Variants in TSPAN14 observed in about 807,000 individuals in gnomAD.
TSPAN14 encodes the protein tetraspanin-14.
In TSPAN14, 16 loss-of-function variants were observed where a neutral mutation model predicts 36.6. That is an observed-to-expected ratio of 0.44 (90% CI 0.30 to 0.66). The LOEUF is 0.66. TSPAN14 is among the 30% of genes least tolerant of loss of function. The pLI is 0.12. For missense variants in TSPAN14, 231 were observed against 355.1 expected (o/e 0.65, Z 2.81); for synonymous variants, 139 against 143.8 (o/e 0.97, Z 0.24).
intron 1 of TSPAN14, among the ~76,000 whole-genome samples, chr10:80,480,514 AG>A: frequency 6.6e-6 from 1 of 152,348 alleles, no homozygotes; most frequent in East Asian, 1.9e-4. Context: ...ACAATAGCAA[AG>A]ACTCGGAACC....
chr10:80,507,497 C>G, intron 4 of TSPAN14, 123 bp downstream of exon 4: 11 of 1,383,256 alleles, frequency 8.0e-6, no homozygotes, highest in Non-Finnish European at 1.1e-5. Flanking sequence ...TAGGCCCCTG[C>G]CTGGGAGCAG....
chr10:80,482,321 C>T (rs1847322593), intron 1 of TSPAN14, among the ~76,000 whole-genome samples: 1 of 152,168 alleles, frequency 6.6e-6, no homozygotes, highest in South Asian at 2.1e-4. Flanking sequence ...GAGTCTCGCT[C>T]TGTGGCTCAG....
chr10:80,463,225 A>G (rs1846072215), intron 1 of TSPAN14: 1 of 152,214 alleles, frequency 6.6e-6, no homozygotes, highest in Non-Finnish European at 1.5e-5. Flanking sequence ...GGGAAACACC[A>G]GAAGCTGCCT....
chr10:80,489,944 A>ATGAGCTTT (rs1228892729), intron 2 of TSPAN14, among the ~76,000 whole-genome samples: 2 of 152,206 alleles, frequency 1.3e-5, no homozygotes, highest in African/African-American at 4.8e-5. Context: ...TGAGGCAGGA[A>ATGAGCTTT]TGAGCTTTGT....
intron 1 of TSPAN14, 127 bp from the exon 2 acceptor site, chr10:80,489,090 T>C (rs1847784088): frequency 1.6e-6 from 1 of 635,166 alleles, no homozygotes; most frequent in Admixed American, 2.5e-5. Flanking sequence ...ATCAGGCCTC[T>C]GCTTGGACCA....
At chr10:80,478,085 A>G (rs993298339) in intron 1 of TSPAN14, among the ~76,000 whole-genome samples, 1 of 152,210 alleles carries the variant, frequency 6.6e-6, no homozygotes. Flanking sequence ...AGTGCCTAAT[A>G]TGAAGGAAAG....
At chr10:80,508,300 A>T (rs1380013066) in intron 4 of TSPAN14, among the ~76,000 whole-genome samples, 3 of 151,672 alleles carry the variant, frequency 2.0e-5, no homozygotes, top group African/African-American at 7.3e-5. Context: ...TTGTATTTTT[A>T]GTAGAGACGG....
intron 1 of TSPAN14, among the ~76,000 whole-genome samples, chr10:80,475,480 C>T (rs1254896147): frequency 6.6e-6 from 1 of 151,964 alleles, no homozygotes; most frequent in Non-Finnish European, 1.5e-5. Flanking sequence ...GTAGGAGGAC[C>T]ATGTGAAGCT....
intron 1 of TSPAN14, chr10:80,466,532 A>G (rs781375430): frequency 1.3e-5 from 2 of 152,224 alleles, no homozygotes; most frequent in Non-Finnish European, 2.9e-5. Context: ...AAGTGCTAGG[A>G]TTACAGGTGT....
At chr10:80,512,826 T>C (rs1840729801) in intron 6 of TSPAN14, among the ~76,000 whole-genome samples, 1 of 152,140 alleles carries the variant, frequency 6.6e-6, no homozygotes, top group Non-Finnish European at 1.5e-5. Flanking sequence ...CCTGAGTAGC[T>C]GGGATTACAG....
intron 8 of TSPAN14, among the ~76,000 whole-genome samples, chr10:80,517,340 A>G: frequency 6.6e-6 from 1 of 152,242 alleles, no homozygotes; most frequent in East Asian, 1.9e-4. Flanking sequence ...AAAGGGAAAA[A>G]AAGCCATTTC....
At chr10:80,507,475 A>G (rs908328066) in intron 4 of TSPAN14, 101 bp downstream of exon 4, 13 of 1,530,916 alleles carry the variant, frequency 8.5e-6, no homozygotes, top group Admixed American at 7.3e-5. Context: ...GGCAGCTCTT[A>G]GGAGCCTCCC....
intron 1 of TSPAN14, among the ~76,000 whole-genome samples, chr10:80,475,651 G>A (rs111772182): frequency 4.6e-5 from 7 of 152,090 alleles, no homozygotes; most frequent in East Asian, 1.9e-4. Context: ...GCAGTGGCGC[G>A]ATCTTGGCTC....
intron 1 of TSPAN14, among the ~76,000 whole-genome samples, chr10:80,465,550 C>T (rs1389250700): frequency 6.6e-6 from 1 of 152,212 alleles, no homozygotes; most frequent in Non-Finnish European, 1.5e-5. Flanking sequence ...CTGGCTGTAC[C>T]CCTATCTCCC....
intron 2 of TSPAN14, among the ~76,000 whole-genome samples, chr10:80,492,513 C>T (rs1460565464): frequency 6.6e-6 from 1 of 152,086 alleles, no homozygotes; most frequent in African/African-American, 2.4e-5. Flanking sequence ...GTAGTTTGCC[C>T]TCACTTAGAA....
intron 1 of TSPAN14, among the ~76,000 whole-genome samples, chr10:80,455,450 G>T (rs1845693219): frequency 6.6e-6 from 1 of 152,098 alleles, no homozygotes; most frequent in African/African-American, 2.4e-5. Context: ...CTCTCCAGGG[G>T]ATCTTCCTCC....
At chr10:80,463,303 T>C (rs1010367034) in intron 1 of TSPAN14, among the ~76,000 whole-genome samples, 8 of 152,306 alleles carry the variant, frequency 5.3e-5, no homozygotes, top group Admixed American at 5.2e-4. Context: ...TTAATTTAGG[T>C]TTAACATTTT....
At chr10:80,478,065 G>A (rs1037601931) in intron 1 of TSPAN14, among the ~76,000 whole-genome samples, 1 of 152,030 alleles carries the variant, frequency 6.6e-6, no homozygotes, top group Admixed American at 6.5e-5. Flanking sequence ...ATTACTAGAT[G>A]GCTAAAGAAA....
chr10:80,485,664 A>G, intron 1 of TSPAN14: 1 of 985,394 alleles, frequency 1.0e-6, no homozygotes, highest in Non-Finnish European at 1.2e-6. Context: ...CCTGCTTTCC[A>G]ACCCGCTGGC....
Sources: gnomAD v4.1 joint callset for allele counts (sites outside exome capture counted in the v4.1 genomes callset) on GRCh38, gnomAD v4.1.1 for gene constraint, MANE v1.5 for transcripts, NCBI Gene and HGNC (gene_info 2026-07-23, HGNC 2026-07-21) for gene names.